Variants in WDR70 observed in about 807,000 individuals in gnomAD.
WDR70 encodes WD repeat-containing protein 70.
WDR70 carries 53 observed loss-of-function variants against 88.6 expected under a neutral mutation model. The ratio of observed to expected loss-of-function variants is 0.60; its 90% CI spans 0.48 to 0.75. The LOEUF (loss-of-function observed/expected upper bound fraction) is 0.75, where lower values mean the gene tolerates loss of function less well. Among genes scored for constraint, WDR70 ranks in the 30% least tolerant of loss-of-function variants. WDR70 has a pLI of 0.00. For missense variants in WDR70, 610 were observed against 823.2 expected (o/e 0.74, Z 3.17); for synonymous variants, 280 against 270.0 (o/e 1.04, Z -0.36).
chr5:37,562,582 T>A (rs1271937394), intron 9 of WDR70, among the ~76,000 whole-genome samples: 6 of 152,186 alleles, frequency 3.9e-5, no homozygotes, highest in African/African-American at 1.4e-4. Context: ...CAGAGGACCC[T>A]GCGGCCTTCC....
intron 12 of WDR70, among the ~76,000 whole-genome samples, chr5:37,701,414 A>G (rs371221039): frequency 6.6e-6 from 1 of 152,330 alleles, no homozygotes; most frequent in South Asian, 2.1e-4. Context: ...GTATTAAAAT[A>G]TATTTTAAGA....
Position 37,379,570 on chromosome 5 carries a change from A to G in WDR70, c.91+16A>G. The stretch of plus-strand genomic sequence containing the variant: ...ACGGGGTTCGGTGAGTGACTGCCCC[A>G]GGCAGAGACCCTCTTCCTTGTGCAG... On this transcript the variant is annotated intron_variant, in intron 2 of 17. Transcript: ENST00000265107. 6.2e-7 allele frequency: 1 copy of G among 1,613,622 alleles called. No individual in the cohort carries two copies.
rs534979455 is a variant in WDR70, at chr5:37,394,204, C to G, written c.296+2084C>G. ...CCTGTAATTCCAGCTACTTGGGAGG[C>G]TGAGGCAAGAGAATCACTTGAACCC... On this transcript the variant is annotated intron_variant, in intron 4 of 17. Transcript: ENST00000265107. Among the ~76,000 whole-genome samples the G allele has an allele frequency of 8.0e-5, 12 of 149,592 alleles. No homozygotes were observed. The South Asian group carries it at 1.3e-3, about 16-fold the overall frequency.
intron 17 of WDR70, among the ~76,000 whole-genome samples, chr5:37,727,941 GA>G (rs1295194892): frequency 3.9e-5 from 6 of 152,030 alleles, no homozygotes; most frequent in Non-Finnish European, 8.8e-5. Flanking sequence ...GAAAGTTGCA[GA>G]AATAGTACAG....
chr5:37,545,611 C>A (rs907553635), intron 9 of WDR70, among the ~76,000 whole-genome samples: 14 of 151,898 alleles, frequency 9.2e-5, no homozygotes, highest in Admixed American at 3.3e-4. Flanking sequence ...CAGCTCCCTG[C>A]AACCTCCGCC....
At chr5:37,408,673 A>G (rs1406541432) in intron 5 of WDR70, among the ~76,000 whole-genome samples, 3 of 152,148 alleles carry the variant, frequency 2.0e-5, no homozygotes, top group Non-Finnish European at 4.4e-5. Flanking sequence ...TCTATATTCA[A>G]TATTTGTTGC....
intron 10 of WDR70, among the ~76,000 whole-genome samples, chr5:37,615,950 C>T (rs1397494804): frequency 2.6e-5 from 4 of 152,106 alleles, no homozygotes; most frequent in South Asian, 2.1e-4. Context: ...CTTCTCTCTC[C>T]GTGTTCTGAT....
Position 37,752,412 on chromosome 5 carries a change from G to C in WDR70, c.1878-74G>C, listed in dbSNP as rs190908601. ...TTCCCCACATTTGCTCCCACTTGATGAAGGAAGCAAAATCTAATGTAACAA... is the reference window on the plus strand; with the variant it reads ...TTCCCCACATTTGCTCCCACTTGATCAAGGAAGCAAAATCTAATGTAACAA... On this transcript the variant is annotated intron_variant, in intron 17 of 17. Coordinates refer to ENST00000265107, the MANE Select transcript of WDR70 (RefSeq NM_018034.4). 26 of 1,168,502 alleles carry C rather than the reference G, an allele frequency of 2.2e-5. No homozygotes were observed. In the African/African-American group the frequency reaches 3.5e-4, roughly 16 times the overall value. The allele number at this position is 1,168,502 out of a possible 1,614,324, so 72.4% of individuals were successfully genotyped here. A position where few individuals can be genotyped will look rare whatever the true frequency, so the allele number is the denominator to read the frequency against.
chr5:37,597,916 G>A (rs538510512), intron 9 of WDR70, among the ~76,000 whole-genome samples: 5 of 152,174 alleles, frequency 3.3e-5, no homozygotes, highest in African/African-American at 4.8e-5. Flanking sequence ...GCCTTACGCA[G>A]GGTGGTAGAC....
At chr5:37,478,276 G>A (rs141337820) in intron 7 of WDR70, among the ~76,000 whole-genome samples, 5 of 152,180 alleles carry the variant, frequency 3.3e-5, no homozygotes, top group African/African-American at 9.6e-5. Context: ...CTGAAATATT[G>A]CACCTGCCAT....
chr5:37,381,745 G>C lies in WDR70; in HGVS notation c.175+60G>C. On this transcript the variant is annotated intron_variant, in intron 3 of 17. Transcript: ENST00000265107. Reference sequence around the variant, plus strand: ...TAAGTACTATGTATACCTCATGCAAGTATATTAAAAAAGAGAAAAGAATGT... The same window carrying C: ...TAAGTACTATGTATACCTCATGCAACTATATTAAAAAAGAGAAAAGAATGT... 3 of 1,532,010 alleles carry C rather than the reference G, an allele frequency of 2.0e-6. No individual in the cohort carries two copies. In the South Asian group the frequency reaches 3.4e-5, roughly 17 times the overall value. 94.9% of individuals were successfully genotyped at this position (1,532,010 alleles called of 1,614,324 possible).
At chr5:37,743,075 C>T (rs1313775355) in intron 17 of WDR70, among the ~76,000 whole-genome samples, 1 of 152,208 alleles carries the variant, frequency 6.6e-6, no homozygotes. Context: ...ACATAATAAG[C>T]ATGTGAATCC....
chr5:37,603,313 AAC>A, intron 9 of WDR70, among the ~76,000 whole-genome samples: 1 of 152,182 alleles, frequency 6.6e-6, no homozygotes, highest in South Asian at 2.1e-4. Flanking sequence ...TCCAGAAATA[AAC>A]CCAGGTACTT....
chr5:37,386,405 G>A (rs962773697), intron 3 of WDR70, among the ~76,000 whole-genome samples: 9 of 152,022 alleles, frequency 5.9e-5, no homozygotes, highest in African/African-American at 2.2e-4. Context: ...TAGGCTCACT[G>A]CAACCTCTGC....
chr5:37,590,898 G>A (rs1743513261), intron 9 of WDR70, among the ~76,000 whole-genome samples: 1 of 152,010 alleles, frequency 6.6e-6, no homozygotes, highest in Admixed American at 6.6e-5. Context: ...AAAAATCAGA[G>A]AGAGAAAGAA....
chr5:37,685,528 G>T (rs1234808865), intron 10 of WDR70, among the ~76,000 whole-genome samples: 1 of 152,084 alleles, frequency 6.6e-6, no homozygotes, highest in Non-Finnish European at 1.5e-5. Flanking sequence ...TGACTTAGGG[G>T]TACTCAGGTC....
intron 10 of WDR70, among the ~76,000 whole-genome samples, chr5:37,675,455 T>A (rs954862253): frequency 6.6e-6 from 1 of 152,180 alleles, no homozygotes. Flanking sequence ...TACATATGGC[T>A]AGCCAGTTTT....
At chr5:37,704,907 A>G (rs1010575676) in intron 13 of WDR70, among the ~76,000 whole-genome samples, 12 of 151,776 alleles carry the variant, frequency 7.9e-5, no homozygotes, top group African/African-American at 2.9e-4. Context: ...AAAGCAGAGG[A>G]AGACACATTC....
intron 10 of WDR70, among the ~76,000 whole-genome samples, chr5:37,627,268 T>C (rs775019074): frequency 6.6e-6 from 1 of 152,078 alleles, no homozygotes; most frequent in Non-Finnish European, 1.5e-5. Context: ...TCTGTATTTT[T>C]CTGTAGAGAT....
Sources: allele counts gnomAD v4.1 joint callset (sites outside exome capture counted in the v4.1 genomes callset), GRCh38; gene constraint gnomAD v4.1.1; transcripts MANE v1.5; gene names NCBI Gene and HGNC (gene_info 2026-07-23, HGNC 2026-07-21).